The following NEBL variants were observed in gnomAD, a reference collection of about 807,000 sequenced individuals.
NEBL encodes the protein nebulette.
In NEBL, 122 loss-of-function variants were observed where a neutral mutation model predicts 140.2. The ratio of observed to expected loss-of-function variants is 0.87; its 90% CI spans 0.75 to 1.01. The LOEUF is 1.01. NEBL is among the 50% of genes least tolerant of loss of function. NEBL has a pLI of 0.00. For synonymous variants in NEBL, 436 were observed against 398.9 expected (o/e 1.09, Z -1.11); for missense variants, 1,365 against 1,231.3 (o/e 1.11, Z -1.62).
rs34974511 is a variant in NEBL at position 21,243,298 on chromosome 10, CTTTT to C, written n.348+4619_348+4622del. On this transcript the variant is annotated intron_variant and non_coding_transcript_variant, in intron 3 of 8. Transcript: ENST00000675702. The stretch of plus-strand genomic sequence containing the variant: ...AAATTCCCCTGGGTGATTGAGCATT[CTTTT>C]TTTTTTTTTTTTTTTTTGAGTCAGG... 2.2e-3 allele frequency among the ~76,000 whole-genome samples: 275 copies of C among 122,546 alleles called. 2 individuals carry two copies. Among genetic ancestry groups the C allele is most frequent in the African/African-American group, 6.4e-3 (205 of 32,174 alleles). 80.4% of individuals were successfully genotyped at this position (122,546 alleles called of 152,430 possible).
At chr10:20,863,841 A>C in intron 7 of NEBL, among the ~76,000 whole-genome samples, 1 of 152,196 alleles carries the variant, frequency 6.6e-6, no homozygotes, top group South Asian at 2.1e-4. Context: ...AAAGAAGAGG[A>C]GAGAATAAAG....
At chr10:21,110,342 A>G (rs1837937477) in intron 2 of NEBL, among the ~76,000 whole-genome samples, 2 of 152,124 alleles carry the variant, frequency 1.3e-5, no homozygotes, top group South Asian at 4.1e-4. Flanking sequence ...AAGTTTCTTA[A>G]TAGGCCTATG....
chr10:21,072,531 T>C (rs766251149), intron 2 of NEBL, among the ~76,000 whole-genome samples: 1 of 152,184 alleles, frequency 6.6e-6, no homozygotes, highest in Non-Finnish European at 1.5e-5. Flanking sequence ...GCATAGTGTA[T>C]AGAGGTCATA....
intron 2 of NEBL, among the ~76,000 whole-genome samples, chr10:21,071,619 T>C (rs1453240667): frequency 6.6e-6 from 1 of 152,188 alleles, no homozygotes; most frequent in East Asian, 1.9e-4. Context: ...CTGTTCTTTT[T>C]AAATGTTCTC....
At chr10:21,156,183 T>C (rs1318661078) in intron 2 of NEBL, among the ~76,000 whole-genome samples, 3 of 152,226 alleles carry the variant, frequency 2.0e-5, no homozygotes, top group Non-Finnish European at 4.4e-5. Context: ...ATTCTATTCA[T>C]GTAATTTGCG....
At chr10:20,881,299 T>G (rs1203854613) in intron 4 of NEBL, among the ~76,000 whole-genome samples, 3 of 152,354 alleles carry the variant, frequency 2.0e-5, no homozygotes, top group Non-Finnish European at 2.9e-5. Flanking sequence ...TTTCAAATGA[T>G]TGGGTCTGAT....
intron 4 of NEBL, among the ~76,000 whole-genome samples, chr10:20,904,451 C>A (rs1202646945): frequency 6.6e-6 from 1 of 151,970 alleles, no homozygotes; most frequent in East Asian, 1.9e-4. Context: ...TTTAATGATG[C>A]AAGTGATTTG....
intron 3 of NEBL, among the ~76,000 whole-genome samples, chr10:21,015,513 GT>G (rs1331332788): frequency 6.6e-6 from 1 of 152,126 alleles, no homozygotes; most frequent in Non-Finnish European, 1.5e-5. Context: ...GTTTTTTGGG[GT>G]TTTTTGTTTG....
intron 4 of NEBL, among the ~76,000 whole-genome samples, chr10:20,937,464 A>T (rs1834553095): frequency 6.6e-6 from 1 of 152,114 alleles, no homozygotes; most frequent in African/African-American, 2.4e-5. Flanking sequence ...GGGGGTGGAG[A>T]CAAGATGGTC....
At chr10:21,011,488 T>G (rs1016780400) in intron 3 of NEBL, among the ~76,000 whole-genome samples, 1 of 152,236 alleles carries the variant, frequency 6.6e-6, no homozygotes, top group Non-Finnish European at 1.5e-5. Context: ...TCCTGCTTCC[T>G]GGTTCCCCTC....
intron 9 of NEBL, among the ~76,000 whole-genome samples, chr10:20,856,539 G>A (rs1052017310): frequency 6.6e-6 from 1 of 152,154 alleles, no homozygotes. Context: ...AAAGCAGGGG[G>A]CTCAGGGAAT....
chr10:21,280,018 G>T (rs12262659), intron 1 of NEBL, among the ~76,000 whole-genome samples: 50,154 of 151,824 alleles, frequency 0.33, 11,312 homozygotes, highest in African/African-American at 0.64. Context: ...CTTCTCTGCC[G>T]CTTAAGAGAA....
chr10:21,284,647 T>G (rs1319659941), intron 1 of NEBL, among the ~76,000 whole-genome samples: 1 of 152,110 alleles, frequency 6.6e-6, no homozygotes, highest in African/African-American at 2.4e-5. Flanking sequence ...AAATGCAAAT[T>G]TTATTGTATT....
At chr10:21,285,016 G>C (rs892188695) in intron 1 of NEBL, among the ~76,000 whole-genome samples, 1 of 152,134 alleles carries the variant, frequency 6.6e-6, no homozygotes, top group African/African-American at 2.4e-5. Context: ...AGCTATCGTG[G>C]TACCACTGCA....
intron 2 of NEBL, among the ~76,000 whole-genome samples, chr10:21,156,943 CT>C (rs2132142239): frequency 6.6e-6 from 1 of 152,204 alleles, no homozygotes; most frequent in African/African-American, 2.4e-5. Context: ...AACCATATTT[CT>C]TCTTGCCATT....
intron 2 of NEBL, among the ~76,000 whole-genome samples, chr10:21,025,535 A>T (rs143249531): frequency 9.8e-5 from 15 of 152,336 alleles, no homozygotes; most frequent in Admixed American, 4.6e-4. Flanking sequence ...AGTTATATGC[A>T]AATCACTAGA....
rs61234594 is a variant in NEBL at position 21,082,535 on chromosome 10, TAA to T, written c.165-62336_165-62335del. The stretch of plus-strand genomic sequence containing the variant: ...AGTTTGAAGTGTTCCCCACCACCAC[TAA>T]AAAAAAAAAAAAAAAAAAAAAAAAA... On this transcript the variant is annotated intron_variant, in intron 2 of 6. Transcript: ENST00000417816. Among the ~76,000 whole-genome samples, 1,048 of 116,970 alleles carry T rather than the reference TAA, an allele frequency of 9.0e-3. 11 individuals are homozygous for T. The highest frequency in any genetic ancestry group is 0.038 in the African/African-American group (959 of 24,980). 76.7% of individuals were successfully genotyped at this position (116,970 alleles called of 152,430 possible). A position where few individuals can be genotyped will look rare whatever the true frequency, so the allele number is the denominator to read the frequency against.
intron 2 of NEBL, among the ~76,000 whole-genome samples, chr10:21,137,254 A>G (rs572296276): frequency 2.0e-5 from 3 of 152,326 alleles, no homozygotes; most frequent in South Asian, 4.1e-4. Context: ...ATATTTTTTC[A>G]AAGTATCTGG....
At chr10:20,933,613 A>G (rs1183263848) in intron 4 of NEBL, among the ~76,000 whole-genome samples, 1 of 152,192 alleles carries the variant, frequency 6.6e-6, no homozygotes, top group Non-Finnish European at 1.5e-5. Flanking sequence ...ACGTGCCTGT[A>G]ATCCCAGCTA....
Sources: gnomAD v4.1 joint callset for allele counts (sites outside exome capture counted in the v4.1 genomes callset) on GRCh38, gnomAD v4.1.1 for gene constraint, MANE v1.5 for transcripts, NCBI Gene and HGNC (gene_info 2026-07-23, HGNC 2026-07-21) for gene names.